NOVA2: variants seen among roughly 807,000 people sequenced by gnomAD.
The protein encoded by NOVA2 is NOVA alternative splicing regulator 2.
A neutral mutation model predicts 22.5 loss-of-function variants in NOVA2; 9 were observed. That is an observed-to-expected ratio of 0.40 (90% CI 0.24 to 0.70). The LOEUF (loss-of-function observed/expected upper bound fraction) is 0.70. NOVA2 is among the 30% of genes least tolerant of loss of function. The pLI, the probability that NOVA2 is intolerant of heterozygous loss-of-function variation, is 0.38. For missense variants in NOVA2, 383 were observed against 682.8 expected (o/e 0.56, Z 4.89); for synonymous variants, 318 against 335.2 (o/e 0.95, Z 0.56).
At position 45,950,371 on chromosome 19, in the gene NOVA2, C is replaced by T. The variant is rs187890554; in HGVS notation, c.396+3409G>A. On this transcript the variant is annotated intron_variant, in intron 3 of 3. Coordinates refer to ENST00000263257, the MANE Select transcript of NOVA2 (RefSeq NM_002516.4). ...AGATGGGGTTTTGCCATGTTGGCCACGCTGGTCTCGAACTCCTGACCTCAG... is the reference window on the plus strand; with the variant it reads ...AGATGGGGTTTTGCCATGTTGGCCATGCTGGTCTCGAACTCCTGACCTCAG... 3.4e-3 allele frequency among the ~76,000 whole-genome samples: 522 copies of T among 151,618 alleles called. 2 individuals are homozygous for T. Among genetic ancestry groups the T allele is most frequent in the African/African-American group, 0.012 (497 of 41,328 alleles).
At chr19:45,967,676 G>A (rs552884754) in intron 1 of NOVA2, 23 of 152,198 alleles carry the variant, frequency 1.5e-4, no homozygotes, top group Admixed American at 2.6e-4. Context: ...TGCTTCTGAC[G>A]GCTTTCAAAA....
At chr19:45,970,655 C>T (rs1968222041) in intron 1 of NOVA2, among the ~76,000 whole-genome samples, 1 of 152,150 alleles carries the variant, frequency 6.6e-6, no homozygotes, top group Non-Finnish European at 1.5e-5. Context: ...GGATTACAGG[C>T]ATGAGCTACT....
At chr19:45,951,233 T>C (rs1174889185) in intron 3 of NOVA2, among the ~76,000 whole-genome samples, 1 of 152,166 alleles carries the variant, frequency 6.6e-6, no homozygotes, top group East Asian at 1.9e-4. Context: ...TCCCAGCACT[T>C]TGGGGAGCTG....
intron 1 of NOVA2, among the ~76,000 whole-genome samples, chr19:45,962,960 G>GT (rs1185982564): frequency 2.0e-5 from 3 of 151,676 alleles, no homozygotes; most frequent in Non-Finnish European, 4.4e-5. Context: ...TTATAAACCA[G>GT]TTTTTTTGAC....
chr19:45,957,580 T>C (rs1968023738), intron 2 of NOVA2, among the ~76,000 whole-genome samples: 1 of 149,294 alleles, frequency 6.7e-6, no homozygotes, highest in Non-Finnish European at 1.5e-5. Flanking sequence ...GGTGCACACC[T>C]GTAGTTCCAG....
intron 1 of NOVA2, among the ~76,000 whole-genome samples, chr19:45,964,261 C>T (rs1968138525): frequency 1.4e-5 from 2 of 147,512 alleles, no homozygotes; most frequent in Admixed American, 6.9e-5. Flanking sequence ...CTCACTGCAA[C>T]CTCCGCCTCC....
chr19:45,953,775 C>G lies in NOVA2; in HGVS notation c.396+5G>C, dbSNP rs1967962208. ...TACAGCAACCCAGTCTCTGCCCCAGCTGACCTGCTTGGCTCTGTCGGGGTT... is the reference window on the plus strand; with the variant it reads ...TACAGCAACCCAGTCTCTGCCCCAGGTGACCTGCTTGGCTCTGTCGGGGTT... On this transcript the variant is annotated splice_donor_5th_base_variant and intron_variant, in intron 3 of 3. Transcript: ENST00000263257. 1 of 1,614,042 alleles carries G rather than the reference C, an allele frequency of 6.2e-7. No individual in the cohort carries two copies. The highest frequency in any genetic ancestry group is 1.3e-5 in the African/African-American group (1 of 74,950).
intron 2 of NOVA2, 73 bp downstream of exon 2, chr19:45,960,937 C>G: frequency 6.8e-7 from 1 of 1,466,718 alleles, no homozygotes; most frequent in South Asian, 1.3e-5. Context: ...TCCCCCTCAT[C>G]TAGGGCCCAG....
At chr19:45,962,545 G>A (rs1003518234) in intron 1 of NOVA2, 4 of 152,562 alleles carry the variant, frequency 2.6e-5, no homozygotes, top group African/African-American at 9.6e-5. Context: ...CACGATGAAG[G>A]ACAGCCTCGA....
In NOVA2 at chr19:45,940,180, C is replaced by G; in HGVS notation, c.1162G>C (p.Ala388Pro). The G allele has an allele frequency of 6.3e-7, 1 of 1,588,728 alleles. No individual in the cohort carries two copies. Residue 388 changes from alanine to proline, a missense_variant, in exon 4 of 4, where the codon GCC becomes CCC. Physicochemically the swap from Ala to Pro is conservative, Grantham distance 27 (BLOSUM62 -1). Coordinates refer to ENST00000263257, the MANE Select transcript of NOVA2 (RefSeq NM_002516.4). ...GTCAGGAAGCCCCCGGCCGCCCCGG[C>G]CGCGGCTGCAGCGGCCACCAGCGGG... ...GGPLVAAAAA[A>P]GAAGGFLTAE...
Position 45,961,051 on chromosome 19 carries a change from C to T in NOVA2, c.188G>A (p.Gly63Glu), listed in dbSNP as rs1169616174. 3 of 1,578,112 alleles carry T rather than the reference C, an allele frequency of 1.9e-6. No individual in the cohort carries two copies. Among genetic ancestry groups the T allele is most frequent in the South Asian group, 1.2e-5 (1 of 86,048 alleles). The change falls in exon 2 of 4, where the codon GGA becomes GAA. Residue 63 changes from glycine to glutamate, a missense_variant. Gly to Glu is a moderately conservative substitution (Grantham distance 98). Coordinates refer to ENST00000263257, the MANE Select transcript of NOVA2 (RefSeq NM_002516.4). ...QTIVQLQKET[G>E]ATIKLSKSKD... ...GGACTTGGAGAGCTTGATGGTGGCTCCGGTCTCCTTCTGCAGCTGCACGAT... is the reference window on the plus strand; with the variant it reads ...GGACTTGGAGAGCTTGATGGTGGCTTCGGTCTCCTTCTGCAGCTGCACGAT...
At chr19:45,948,393 A>G (rs752731177) in intron 3 of NOVA2, among the ~76,000 whole-genome samples, 1 of 152,064 alleles carries the variant, frequency 6.6e-6, no homozygotes, top group Non-Finnish European at 1.5e-5. Flanking sequence ...GGGTCAGGAG[A>G]TCAAGACCAT....
Position 45,972,952 on chromosome 19 carries a change from T to G in NOVA2, c.85+315A>C, listed in dbSNP as rs188441271. Reference sequence around the variant, plus strand: ...ACACCCCTGCTCCGAAAGGGTCACATCACACACCCCTCAAGGACACACAGA... The same window carrying G: ...ACACCCCTGCTCCGAAAGGGTCACAGCACACACCCCTCAAGGACACACAGA... On this transcript the variant is annotated intron_variant, in intron 1 of 3. Coordinates refer to ENST00000263257, the MANE Select transcript of NOVA2 (RefSeq NM_002516.4). Among the ~76,000 whole-genome samples the G allele has an allele frequency of 2.8e-3, 425 of 151,220 alleles. 2 individuals carry two copies. Among genetic ancestry groups the G allele is most frequent in the African/African-American group, 1.0e-2 (411 of 41,122 alleles).
intron 1 of NOVA2, among the ~76,000 whole-genome samples, chr19:45,968,520 GT>G (rs772783015): frequency 3.7e-4 from 56 of 152,030 alleles, no homozygotes; most frequent in Non-Finnish European, 6.9e-4. Context: ...ATGGGCCACG[GT>G]TTTCTTGGAG....
intron 3 of NOVA2, among the ~76,000 whole-genome samples, chr19:45,944,248 C>G (rs1483085767): frequency 1.3e-5 from 2 of 151,968 alleles, no homozygotes. Context: ...TCAAGACCAG[C>G]CTGGGCATCA....
chr19:45,956,182 G>A (rs1968003250), intron 2 of NOVA2, among the ~76,000 whole-genome samples: 1 of 149,546 alleles, frequency 6.7e-6, no homozygotes, highest in Non-Finnish European at 1.5e-5. Flanking sequence ...AGCCAAGGGT[G>A]AGTCAGCCTG....
intron 1 of NOVA2, among the ~76,000 whole-genome samples, chr19:45,966,347 C>A (rs995295979): frequency 6.6e-6 from 1 of 152,196 alleles, no homozygotes; most frequent in African/African-American, 2.4e-5. Context: ...GTCCTTGGTT[C>A]AGGTGCTGGG....
chr19:45,968,897 G>A (rs1354239945), intron 1 of NOVA2, among the ~76,000 whole-genome samples: 3 of 152,010 alleles, frequency 2.0e-5, no homozygotes, highest in African/African-American at 7.2e-5. Context: ...GCTGGCTCAC[G>A]CCTGTAATCC....
At chr19:45,957,857 G>C (rs1409345655) in intron 2 of NOVA2, among the ~76,000 whole-genome samples, 1 of 152,034 alleles carries the variant, frequency 6.6e-6, no homozygotes, top group African/African-American at 2.4e-5. Context: ...CTAGCACTTT[G>C]GGAGGCCGAG....
Sources: gnomAD v4.1 joint callset for allele counts (sites outside exome capture counted in the v4.1 genomes callset) on GRCh38, gnomAD v4.1.1 for gene constraint, MANE v1.5 for transcripts, NCBI Gene and HGNC (gene_info 2026-07-23, HGNC 2026-07-21) for gene names.